Variants in SECISBP2 observed in about 807,000 individuals in gnomAD.
The protein encoded by SECISBP2 is selenocysteine insertion sequence-binding protein 2.
SECISBP2 carries 96 observed loss-of-function variants against 98.2 expected under a neutral mutation model. That is an observed-to-expected ratio of 0.98 (90% CI 0.83 to 1.16). SECISBP2 has a LOEUF of 1.16. SECISBP2 is among the 50% of genes most tolerant of loss of function. The pLI, the probability that SECISBP2 is intolerant of heterozygous loss-of-function variation, is 0.00. For missense variants in SECISBP2, 1,046 were observed against 1,022.9 expected (o/e 1.02, Z -0.31); for synonymous variants, 407 against 370.2 (o/e 1.10, Z -1.14).
intron 2 of SECISBP2, among the ~76,000 whole-genome samples, chr9:89,320,653 T>A (rs1335719042): frequency 1.3e-5 from 2 of 152,226 alleles, no homozygotes; most frequent in Non-Finnish European, 2.9e-5. Flanking sequence ...CATTTCAGGC[T>A]TAAGTTCTTC....
chr9:89,319,261 C>T (rs1415685863), intron 1 of SECISBP2, among the ~76,000 whole-genome samples: 1 of 152,290 alleles, frequency 6.6e-6, no homozygotes, highest in Non-Finnish European at 1.5e-5. Flanking sequence ...AAATAAACGT[C>T]TGCAGTGTGT....
At position 89,358,861 on chromosome 9, in the gene SECISBP2, G is replaced by A. The variant is rs1347517554; in HGVS notation, c.*37G>A. On this transcript the variant is annotated 3_prime_UTR_variant, in exon 17 of 17. Transcript: ENST00000375807. ...TGTGTGTCTGTATTTTGGGTAAGGA[G>A]GGGAGGTCTGAAAAAGACTTTGGGG... The A allele has an allele frequency of 7.4e-7, 1 of 1,354,174 alleles. No homozygotes were observed. The highest frequency in any genetic ancestry group is 2.3e-5 in the East Asian group (1 of 43,436). 83.9% of individuals were successfully genotyped at this position (1,354,174 alleles called of 1,614,324 possible). A position where few individuals can be genotyped will look rare whatever the true frequency, so the allele number is the denominator to read the frequency against.
chr9:89,348,483 G>A (rs926322751), intron 12 of SECISBP2, among the ~76,000 whole-genome samples: 5 of 152,174 alleles, frequency 3.3e-5, no homozygotes, highest in Non-Finnish European at 7.4e-5. Context: ...ATGCTGGATG[G>A]TCCTCTAACT....
downstream of SECISBP2, chr9:89,363,795 G>A: frequency 6.2e-7 from 1 of 1,613,972 alleles, no homozygotes; most frequent in Non-Finnish European, 8.5e-7. Context: ...GCTGAGGAGA[G>A]GACAGAGCAG....
intron 12 of SECISBP2, among the ~76,000 whole-genome samples, chr9:89,348,667 G>A (rs534710961): frequency 2.6e-5 from 4 of 152,350 alleles, no homozygotes; most frequent in Middle Eastern, 3.4e-3. Flanking sequence ...CACAGTGACC[G>A]CCGCATTCAG....
the SECISBP2 span, among the ~76,000 whole-genome samples, chr9:89,366,883 C>T: frequency 6.6e-6 from 1 of 152,158 alleles, no homozygotes; most frequent in East Asian, 1.9e-4. Flanking sequence ...ACAGGAGCCT[C>T]TGGAAGGTTC....
intron 12 of SECISBP2, among the ~76,000 whole-genome samples, chr9:89,348,888 T>C (rs993416298): frequency 6.6e-6 from 1 of 152,246 alleles, no homozygotes; most frequent in Non-Finnish European, 1.5e-5. Context: ...TAAAATTCGG[T>C]TGGACGAATG....
At chr9:89,342,256 G>C (rs897548932) in intron 10 of SECISBP2, among the ~76,000 whole-genome samples, 2 of 152,206 alleles carry the variant, frequency 1.3e-5, no homozygotes, top group African/African-American at 4.8e-5. Context: ...CACCTAGTGG[G>C]ATGATTATAA....
At position 89,358,924 on chromosome 9, in the gene SECISBP2, A is replaced by T; in HGVS notation, c.*100A>T. On this transcript the variant is annotated 3_prime_UTR_variant, in exon 17 of 17. Transcript: ENST00000375807. ...TTTTTCATGACAATGTAATTTGTGTAACTGTTGAATCTGGAAATTGATCAG... is the reference window on the plus strand; with the variant it reads ...TTTTTCATGACAATGTAATTTGTGTTACTGTTGAATCTGGAAATTGATCAG... The T allele has an allele frequency of 1.3e-6, 1 of 773,082 alleles. No homozygotes were observed. Among genetic ancestry groups the T allele is most frequent in the South Asian group, 1.5e-5 (1 of 68,858 alleles). 47.9% of individuals were successfully genotyped at this position (773,082 alleles called of 1,614,324 possible). A position where few individuals can be genotyped will look rare whatever the true frequency, so the allele number is the denominator to read the frequency against.
chr9:89,326,945 G>A (rs1002726367), intron 4 of SECISBP2, among the ~76,000 whole-genome samples: 5 of 152,140 alleles, frequency 3.3e-5, no homozygotes. Flanking sequence ...GGCGGATCAC[G>A]AGGTCAGGAG....
rs766497448 is a variant in SECISBP2, at chr9:89,358,071, C to T, written c.2341C>T (p.Gln781Ter). The change falls in exon 16 of 17, where the codon CAG (glutamine) becomes TAG (stop). Residue 781 changes from glutamine (Q) to a stop codon, truncating the protein, a stop_gained. Coordinates refer to ENST00000375807, the MANE Select transcript of SECISBP2 (RefSeq NM_024077.5). LOFTEE classifies it high-confidence loss of function. ...QAYKTMLENV[Q>*]QELVGEPRPQ... ...GTACAAGACCATGCTGGAGAATGTGCAGCAGGAGCTGGTGGGAGAGCCCAG... is the reference window on the plus strand; with the variant it reads ...GTACAAGACCATGCTGGAGAATGTGTAGCAGGAGCTGGTGGGAGAGCCCAG... The T allele has an allele frequency of 1.9e-6, 3 of 1,613,758 alleles. No individual in the cohort carries two copies. The South Asian group carries it at 3.3e-5, about 18-fold the overall frequency.
chr9:89,363,659 T>C, downstream of SECISBP2: 3 of 1,593,116 alleles, frequency 1.9e-6, no homozygotes, highest in South Asian at 2.2e-5. Flanking sequence ...AAGCATGCTT[T>C]CCAGCTGTTT....
At chr9:89,333,317 G>C (rs1257585967) in intron 6 of SECISBP2, among the ~76,000 whole-genome samples, 1 of 152,150 alleles carries the variant, frequency 6.6e-6, no homozygotes, top group East Asian at 1.9e-4. Flanking sequence ...ACCCCAAAGA[G>C]CTCTTGTTTA....
chr9:89,339,299 C>T (rs1829293731), intron 8 of SECISBP2, among the ~76,000 whole-genome samples: 2 of 152,190 alleles, frequency 1.3e-5, no homozygotes, highest in African/African-American at 4.8e-5. Flanking sequence ...TTGAGAATAG[C>T]TGGGTTACAT....
intron 14 of SECISBP2, among the ~76,000 whole-genome samples, chr9:89,354,173 A>G (rs142146254): frequency 3.9e-5 from 6 of 152,290 alleles, no homozygotes; most frequent in Middle Eastern, 3.4e-3. Context: ...TCTCACTAAT[A>G]ACGGGTTGGA....
At position 89,350,770 on chromosome 9, in the gene SECISBP2, G is replaced by C. The variant is rs568909997; in HGVS notation, c.2031G>C (p.Leu677Phe). Reference protein sequence around the residue: ...AKTKRRLVLGLREVLKHLKLK... With the variant: ...AKTKRRLVLGFREVLKHLKLK... The stretch of plus-strand genomic sequence containing the variant: ...CTAAACGTCGACTTGTGTTGGGGTT[G>C]AGGGAGGTTCTCAAACACCTGAAGC... The change falls in exon 14 of 17, where the codon TTG (leucine) becomes TTC (phenylalanine). Residue 677 changes from leucine (L) to phenylalanine (F), a missense_variant. By Grantham distance (22) the Leu-to-Phe change is conservative. Transcript: ENST00000375807. 3.1e-6 allele frequency: 5 copies of C among 1,614,124 alleles called. No individual in the cohort carries two copies. In the African/African-American group the frequency reaches 6.7e-5, roughly 22 times the overall value.
At chr9:89,327,976 T>C (rs1235197061) in intron 4 of SECISBP2, among the ~76,000 whole-genome samples, 1 of 152,158 alleles carries the variant, frequency 6.6e-6, no homozygotes. Context: ...CAGCTAATTT[T>C]TGTATTTTCA....
downstream of SECISBP2, chr9:89,364,084 C>T (rs1833193931): frequency 1.3e-6 from 2 of 1,558,702 alleles, no homozygotes; most frequent in Non-Finnish European, 1.7e-6. Flanking sequence ...CCAATTCAGT[C>T]CCTGGGACTG....
rs1370606605 is a variant in SECISBP2 at position 89,332,927 on chromosome 9, A to G, written c.821A>G (p.Asn274Ser). 1.9e-6 allele frequency: 3 copies of G among 1,613,946 alleles called. No individual in the cohort carries two copies. Among genetic ancestry groups the G allele is most frequent in the Non-Finnish European group, 2.5e-6 (3 of 1,179,882 alleles). ...TTTTAGGGTGAAATAGTGGTGAAAA[A>G]TAACCCAAATGAATCTGTAACTGCT... ...VLSKGEIVVK[N>S]NPNESVTANA... The change falls in exon 6 of 17, where the codon AAT becomes AGT. Residue 274 changes from asparagine to serine, a missense_variant. Asn to Ser is a conservative substitution (Grantham distance 46, BLOSUM62 1). Transcript: ENST00000375807.
Sources: gnomAD v4.1 joint callset for allele counts (sites outside exome capture counted in the v4.1 genomes callset) on GRCh38, gnomAD v4.1.1 for gene constraint, MANE v1.5 for transcripts, NCBI Gene and HGNC (gene_info 2026-07-23, HGNC 2026-07-21) for gene names.